Variants in CLSTN2 observed in about 807,000 individuals in gnomAD.
CLSTN2 encodes the protein calsyntenin 2.
In CLSTN2, 48 loss-of-function variants were observed where a neutral mutation model predicts 101.2. The observed-to-expected ratio is 0.47, with a 90% CI of 0.38 to 0.60. The LOEUF (loss-of-function observed/expected upper bound fraction) is 0.60. Ranked by LOEUF, CLSTN2 falls within the 20% of genes least tolerant of loss-of-function variation. The probability of loss-of-function intolerance (pLI) is 0.00; values close to 1 mark genes in which losing one functional copy is unlikely to be tolerated. For synonymous variants in CLSTN2, 481 were observed against 463.6 expected (o/e 1.04, Z -0.48); for missense variants, 1,160 against 1,238.2 (o/e 0.94, Z 0.95).
intron 1 of CLSTN2, among the ~76,000 whole-genome samples, chr3:140,149,418 G>T (rs2009828470): frequency 1.3e-5 from 2 of 152,030 alleles, no homozygotes; most frequent in East Asian, 3.9e-4. Context: ...AGAGTTGCCA[G>T]ATAAAATATA....
At chr3:140,357,850 TC>T (rs2087690182) in intron 2 of CLSTN2, among the ~76,000 whole-genome samples, 2 of 152,178 alleles carry the variant, frequency 1.3e-5, no homozygotes, top group Admixed American at 6.5e-5. Context: ...CTGACCAACC[TC>T]AATGACTTTA....
At chr3:140,268,494 C>T (rs1400234284) in intron 2 of CLSTN2, among the ~76,000 whole-genome samples, 3 of 152,192 alleles carry the variant, frequency 2.0e-5, no homozygotes, top group Non-Finnish European at 2.9e-5. Flanking sequence ...TGCAAGGACA[C>T]AGGCAGGCAG....
At chr3:140,312,239 G>A (rs774161038) in intron 2 of CLSTN2, among the ~76,000 whole-genome samples, 8 of 152,118 alleles carry the variant, frequency 5.3e-5, no homozygotes, top group African/African-American at 1.7e-4. Flanking sequence ...TTTACCAGTC[G>A]GAATCCCAGT....
intron 1 of CLSTN2, among the ~76,000 whole-genome samples, chr3:140,074,859 T>C (rs1400544225): frequency 6.6e-6 from 1 of 152,182 alleles, no homozygotes; most frequent in East Asian, 1.9e-4. Context: ...CCCACTGCAA[T>C]GCCTTCCCTG....
At chr3:140,496,677 T>A (rs1044943032) in intron 8 of CLSTN2, among the ~76,000 whole-genome samples, 4 of 152,192 alleles carry the variant, frequency 2.6e-5, no homozygotes, top group African/African-American at 7.2e-5. Flanking sequence ...CATGAAGGGA[T>A]GTTGAATTTT....
intron 2 of CLSTN2, among the ~76,000 whole-genome samples, chr3:140,280,418 A>G (rs1479306882): frequency 6.6e-6 from 1 of 152,116 alleles, no homozygotes; most frequent in African/African-American, 2.4e-5. Flanking sequence ...TTACTGGTAG[A>G]AGAGAGTAGG....
In CLSTN2 at chr3:140,445,982, C is replaced by A. The variant is rs770185268; in HGVS notation, c.788-2537C>A. Among the ~76,000 whole-genome samples, 25 of 149,990 alleles carry A rather than the reference C, an allele frequency of 1.7e-4. 1 individual carries two copies. Among genetic ancestry groups the A allele is most frequent in the Non-Finnish European group, 3.2e-4 (22 of 67,904 alleles). ...GCATCTACCTAGACTGGAGAAATCCCGGAAGGACACATGGAGGAGGTGGCA... is the reference window on the plus strand; with the variant it reads ...GCATCTACCTAGACTGGAGAAATCCAGGAAGGACACATGGAGGAGGTGGCA... On this transcript the variant is annotated intron_variant, in intron 5 of 16. Coordinates refer to ENST00000458420, the MANE Select transcript of CLSTN2 (RefSeq NM_022131.3).
intron 1 of CLSTN2, among the ~76,000 whole-genome samples, chr3:140,133,901 G>C (rs913723101): frequency 6.6e-6 from 1 of 152,166 alleles, no homozygotes; most frequent in Non-Finnish European, 1.5e-5. Flanking sequence ...TCAGGCCTCT[G>C]TGTAGTTTCA....
intron 2 of CLSTN2, among the ~76,000 whole-genome samples, chr3:140,243,506 C>T (rs1386122461): frequency 6.6e-6 from 1 of 152,192 alleles, no homozygotes; most frequent in Non-Finnish European, 1.5e-5. Context: ...AGGGCCCATG[C>T]TTGTGCACCT....
chr3:140,525,806 A>G (rs888708149), intron 8 of CLSTN2, among the ~76,000 whole-genome samples: 2 of 152,194 alleles, frequency 1.3e-5, no homozygotes, highest in African/African-American at 2.4e-5. Context: ...TCACCATGTG[A>G]ACAGAATCAA....
intron 8 of CLSTN2, among the ~76,000 whole-genome samples, chr3:140,470,235 A>C (rs1197296233): frequency 6.6e-6 from 1 of 152,258 alleles, no homozygotes; most frequent in African/African-American, 2.4e-5. Flanking sequence ...TAGTAGCTAA[A>C]ATAAGAGTCT....
intron 2 of CLSTN2, among the ~76,000 whole-genome samples, chr3:140,229,948 T>G (rs530115655): frequency 9.9e-4 from 150 of 152,240 alleles, no homozygotes; most frequent in Non-Finnish European, 2.0e-3. Context: ...GCCCAGTTTA[T>G]TTTTTTGGTT....
intron 1 of CLSTN2, among the ~76,000 whole-genome samples, chr3:140,164,660 T>C (rs1230619887): frequency 6.6e-6 from 1 of 152,174 alleles, no homozygotes; most frequent in African/African-American, 2.4e-5. Context: ...AGATGACTTG[T>C]GTAGAGACAA....
At chr3:140,252,965 G>C (rs2086576583) in intron 2 of CLSTN2, among the ~76,000 whole-genome samples, 1 of 152,132 alleles carries the variant, frequency 6.6e-6, no homozygotes, top group Non-Finnish European at 1.5e-5. Flanking sequence ...CAACAGCTAA[G>C]TTAATGCCAA....
chr3:140,179,048 A>T (rs894153860), intron 2 of CLSTN2, among the ~76,000 whole-genome samples: 8 of 152,208 alleles, frequency 5.3e-5, no homozygotes, highest in African/African-American at 1.7e-4. Context: ...CATATCATTT[A>T]GAATCATACA....
At position 139,935,705 on chromosome 3, in the gene CLSTN2, C is replaced by T. The variant is rs1326246892; in HGVS notation, c.109+222C>T. ...TCAACCCCTGGGCGGGGTCCGGGGGCTGAGCAGAAGGCGAGGTCTGGGGAG... is the reference window on the plus strand; with the variant it reads ...TCAACCCCTGGGCGGGGTCCGGGGGTTGAGCAGAAGGCGAGGTCTGGGGAG... On this transcript the variant is annotated intron_variant, in intron 1 of 16. Transcript: ENST00000458420. This position sits in a 1 kb window ranked among gnomAD's most constrained non-coding sequence, Gnocchi z 5.5. Among the ~76,000 whole-genome samples the T allele has an allele frequency of 6.6e-6, 1 of 151,506 alleles. No individual in the cohort carries two copies. Among genetic ancestry groups the T allele is most frequent in the Non-Finnish European group, 1.5e-5 (1 of 67,850 alleles).
intron 1 of CLSTN2, among the ~76,000 whole-genome samples, chr3:140,105,728 G>T (rs1033661250): frequency 1.3e-5 from 2 of 152,164 alleles, no homozygotes; most frequent in Admixed American, 1.3e-4. Flanking sequence ...GATAGAGAAG[G>T]CCTCATAGAC....
intron 1 of CLSTN2, among the ~76,000 whole-genome samples, chr3:139,954,636 G>A (rs1050086114): frequency 1.3e-4 from 20 of 152,142 alleles, no homozygotes; most frequent in Admixed American, 1.3e-3. Context: ...TCTGATCACA[G>A]CCAGATTTCT....
intron 1 of CLSTN2, among the ~76,000 whole-genome samples, chr3:139,942,381 T>C (rs776064605): frequency 5.3e-5 from 8 of 152,152 alleles, no homozygotes; most frequent in Non-Finnish European, 1.0e-4. Flanking sequence ...AGGGGTCTCC[T>C]GCACCAGAAA....
Sources: allele counts gnomAD v4.1 joint callset (sites outside exome capture counted in the v4.1 genomes callset), GRCh38; gene constraint gnomAD v4.1.1; non-coding constraint Gnocchi (gnomAD v3.1); transcripts MANE v1.5; gene names NCBI Gene and HGNC (gene_info 2026-07-23, HGNC 2026-07-21).